Variants in EIF3B observed in about 807,000 individuals in gnomAD.
EIF3B encodes the protein eukaryotic translation initiation factor 3 subunit 9.
In EIF3B, 10 loss-of-function variants were observed where a neutral mutation model predicts 104.6. The ratio of observed to expected loss-of-function variants is 0.10; its 90% CI spans 0.06 to 0.16. EIF3B has a LOEUF of 0.16. Among genes scored for constraint, EIF3B ranks in the 10% least tolerant of loss-of-function variants. The pLI is 1.00. For synonymous variants in EIF3B, 542 were observed against 417.2 expected, an observed-to-expected ratio of 1.30 and a Z score of -3.65; for missense variants, 1,014 against 1,087.9, an observed-to-expected ratio of 0.93 and a Z score of 0.96.
intron 6 of EIF3B, among the ~76,000 whole-genome samples, chr7:2,364,886 A>G (rs951687759): frequency 6.6e-6 from 1 of 152,184 alleles, no homozygotes; most frequent in Non-Finnish European, 1.5e-5. Flanking sequence ...TGATTTTGTT[A>G]CTTGACCTAA....
Position 2,355,399 on chromosome 7 carries a change from G to C in EIF3B, c.478G>C (p.Val160Leu). Reference sequence around the variant, plus strand: ...CTCCTTCAGCGACCCCGAGGACTTCGTGGACGACGTGAGCGAGGAAGGTGA... The same window carrying C: ...CTCCTTCAGCGACCCCGAGGACTTCCTGGACGACGTGAGCGAGGAAGGTGA... ...EPSFSDPEDF[V>L]DDVSEEELLG... The change falls in exon 1 of 19, where the codon GTG becomes CTG. Residue 160 changes from valine (V) to leucine (L), a missense_variant. This residue lies in a region of EIF3B where 488 missense variants were observed against 404.3 expected (regional missense o/e 1.21). Coordinates refer to ENST00000360876, the MANE Select transcript of EIF3B (RefSeq NM_001037283.2). 1 of 1,486,222 alleles carries C rather than the reference G, an allele frequency of 6.7e-7. No homozygotes were observed. The highest frequency in any genetic ancestry group is 1.3e-5 in the South Asian group (1 of 78,564). The allele number at this position is 1,486,222 out of a possible 1,614,324, so 92.1% of individuals were successfully genotyped here. A position where few individuals can be genotyped will look rare whatever the true frequency, so the allele number is the denominator to read the frequency against.
rs753247152 is a variant in EIF3B, at chr7:2,360,685, C to G, written c.500-25C>G. The stretch of plus-strand genomic sequence containing the variant: ...TAATGTTTTTCTTGGTAAAAATGAT[C>G]ATTTGAAAAATCTCTCTTGTTCAGA... On this transcript the variant is annotated intron_variant, in intron 1 of 18. Coordinates refer to ENST00000360876, the MANE Select transcript of EIF3B (RefSeq NM_001037283.2). The G allele has an allele frequency of 3.2e-6, 5 of 1,551,672 alleles. No homozygotes were observed. In the African/African-American group the frequency reaches 5.5e-5, roughly 17 times the overall value.
intron 1 of EIF3B, among the ~76,000 whole-genome samples, chr7:2,356,948 T>C (rs1161033099): frequency 2.6e-5 from 4 of 152,188 alleles, no homozygotes; most frequent in Non-Finnish European, 5.9e-5. Flanking sequence ...CCCTCAGTCC[T>C]GAGGAAACTT....
At chr7:2,363,893 C>A (rs775885322) in intron 5 of EIF3B, 133 bp downstream of exon 5, 1 of 1,062,686 alleles carries the variant, frequency 9.4e-7, no homozygotes, top group Non-Finnish European at 1.3e-6. Flanking sequence ...TTTCTGAAAA[C>A]AACTTCTTTT....
chr7:2,380,676 C>A lies in EIF3B; in HGVS notation c.*487C>A, dbSNP rs1438337545. 1.0e-5 allele frequency: 2 copies of A among 198,722 alleles called. No individual in the cohort carries two copies. The highest frequency in any genetic ancestry group is 2.1e-5 in the Non-Finnish European group (2 of 93,850). 12.3% of individuals were successfully genotyped at this position (198,722 alleles called of 1,614,324 possible). A position where few individuals can be genotyped will look rare whatever the true frequency, so the allele number is the denominator to read the frequency against. ...AGGGCGCCGCCATGCCTTGTACCCC[C>A]ACCGTGCAGGTTGTGGCCGGTTTTC... On this transcript the variant is annotated 3_prime_UTR_variant, in exon 19 of 19. Coordinates refer to ENST00000360876, the MANE Select transcript of EIF3B (RefSeq NM_001037283.2).
intron 13 of EIF3B, 65 bp downstream of exon 13, chr7:2,374,671 C>G: frequency 6.9e-7 from 1 of 1,441,206 alleles, no homozygotes; most frequent in Non-Finnish European, 9.6e-7. Flanking sequence ...AGAGACCCCT[C>G]AGGCGCCTGC....
intron 14 of EIF3B, chr7:2,376,738 C>T (rs1780651945): frequency 1.7e-6 from 1 of 598,530 alleles, no homozygotes; most frequent in Non-Finnish European, 2.8e-6. Flanking sequence ...AGCGCTGCTC[C>T]AGCTGCTCCG....
At chr7:2,372,188 G>A (rs1025820099) in intron 11 of EIF3B, 11 of 284,328 alleles carry the variant, frequency 3.9e-5, no homozygotes, top group African/African-American at 8.6e-5. Context: ...CCTGGGTGAC[G>A]GAGCAAGACC....
At chr7:2,371,199 C>T (rs907987214) in intron 10 of EIF3B, among the ~76,000 whole-genome samples, 1 of 152,252 alleles carries the variant, frequency 6.6e-6, no homozygotes, top group African/African-American at 2.4e-5. Context: ...GAATCGGATA[C>T]TATGCCACCT....
At position 2,363,079 on chromosome 7, in the gene EIF3B, G is replaced by A. The variant is rs370385949; in HGVS notation, c.822G>A (p.Thr274=). 11 of 1,614,054 alleles carry A rather than the reference G, an allele frequency of 6.8e-6. No individual in the cohort carries two copies. In the South Asian group the frequency reaches 7.7e-5, roughly 11 times the overall value. ...CTCCTTTCTTCTCCAGGTATATGAC[G>A]ATCAGTGACGAGTGGGATATTCCAG... ...NLFTDFDKYM[T]ISDEWDIPEK... Residue 274 remains threonine, a synonymous_variant, in exon 4 of 19, where the codon ACG becomes ACA. Coordinates refer to ENST00000360876, the MANE Select transcript of EIF3B (RefSeq NM_001037283.2).
intron 11 of EIF3B, among the ~76,000 whole-genome samples, chr7:2,372,370 G>T (rs775515869): frequency 1.3e-5 from 2 of 152,212 alleles, no homozygotes; most frequent in East Asian, 1.9e-4. Context: ...GTGCACACTG[G>T]GTGCGAGGGA....
chr7:2,378,722 A>G lies in EIF3B; in HGVS notation c.2188A>G (p.Ile730Val). The G allele has an allele frequency of 6.2e-7, 1 of 1,614,070 alleles. No individual in the cohort carries two copies. The highest frequency in any genetic ancestry group is 1.3e-5 in the African/African-American group (1 of 75,054). The change falls in exon 16 of 19, where the codon ATC becomes GTC. Residue 730 changes from isoleucine (I) to valine (V), a missense_variant. Ile to Val is a conservative substitution (Grantham distance 29). This residue lies in a region of EIF3B where 266 missense variants were observed against 324.0 expected (regional missense o/e 0.82). Transcript: ENST00000360876. ...AAAGGATCTGAAGAAATACTCTAAG[A>G]TCTTTGAACAGAAGGATCGTTTGAG... Reference protein sequence around the residue: ...IKKDLKKYSKIFEQKDRLSQS... With the variant: ...IKKDLKKYSKVFEQKDRLSQS...
intron 3 of EIF3B, 65 bp from the exon 4 acceptor site, chr7:2,363,005 G>C: frequency 6.3e-7 from 1 of 1,578,044 alleles, no homozygotes; most frequent in Non-Finnish European, 8.7e-7. Context: ...CCATGCTGGA[G>C]CCCCCACGAG....
intron 9 of EIF3B, among the ~76,000 whole-genome samples, 161 bp from the exon 10 acceptor site, chr7:2,369,311 C>T (rs530514721): frequency 6.6e-6 from 1 of 152,354 alleles, no homozygotes; most frequent in East Asian, 1.9e-4. Flanking sequence ...TATGAAGCTG[C>T]GCGGCATGCC....
In EIF3B at chr7:2,380,493, G is replaced by A. The variant is rs989874823; in HGVS notation, c.*304G>A. ...TTTGGAGTTTTCTGTTGGAACCGCC[G>A]GCGTTGGCTCCGAAGACTTAGCGAC... is the stretch of plus-strand genomic sequence containing the variant. On this transcript the variant is annotated 3_prime_UTR_variant, in exon 19 of 19. Coordinates refer to ENST00000360876, the MANE Select transcript of EIF3B (RefSeq NM_001037283.2). 5.0e-5 allele frequency: 24 copies of A among 483,586 alleles called. No homozygotes were observed. The highest frequency in any genetic ancestry group is 2.0e-4 in the South Asian group (13 of 65,776). 30.0% of individuals were successfully genotyped at this position (483,586 alleles called of 1,614,324 possible).
In EIF3B at chr7:2,380,375, C is replaced by T. The variant is rs1299413553; in HGVS notation, c.*186C>T. On this transcript the variant is annotated 3_prime_UTR_variant, in exon 19 of 19. Coordinates refer to ENST00000360876, the MANE Select transcript of EIF3B (RefSeq NM_001037283.2). ...TCTCTGGCTCTGGACTGTGACTGCG[C>T]CTGGATTCTGCCATTGCGACACATT... The T allele has an allele frequency of 1.9e-6, 1 of 518,888 alleles. No homozygotes were observed. Among genetic ancestry groups the T allele is most frequent in the Admixed American group, 1.9e-5 (1 of 51,576 alleles). The allele number at this position is 518,888 out of a possible 1,614,324, so 32.1% of individuals were successfully genotyped here.
At chr7:2,376,809 C>T in intron 14 of EIF3B, 141 bp from the exon 15 acceptor site, 1 of 1,273,956 alleles carries the variant, frequency 7.8e-7, no homozygotes, top group Non-Finnish European at 1.1e-6. Flanking sequence ...CCCACCTACC[C>T]TGCTGTCAGC....
intron 1 of EIF3B, among the ~76,000 whole-genome samples, chr7:2,356,618 A>AT (rs11395728): frequency 2.1e-5 from 3 of 146,058 alleles, no homozygotes; most frequent in African/African-American, 8.1e-5. Flanking sequence ...AAAAAAAAAA[A>AT]GAAAAAGAAA....
chr7:2,375,096 C>T (rs756517826), intron 13 of EIF3B: 3 of 447,946 alleles, frequency 6.7e-6, no homozygotes, highest in Non-Finnish European at 8.1e-6. Flanking sequence ...TGTTGCTGCT[C>T]TCCCTTGCTT....
Sources: gnomAD v4.1 joint callset for allele counts (sites outside exome capture counted in the v4.1 genomes callset) on GRCh38, gnomAD v4.1.1 for gene constraint, gnomAD v4.1.1 regional missense constraint, MANE v1.5 for transcripts, NCBI Gene and HGNC (gene_info 2026-07-23, HGNC 2026-07-21) for gene names.